The following OR56A3 variants were observed in gnomAD, a reference collection of about 807,000 sequenced individuals.
OR56A3 encodes olfactory receptor 56A3.
Under a neutral mutation model 17.5 loss-of-function variants are expected in OR56A3, and 23 were observed. That is an observed-to-expected ratio of 1.32 (90% CI 0.95 to 1.87). The LOEUF is 1.87. OR56A3 is among the 40% of genes most tolerant of loss of function. OR56A3 has a pLI of 0.00. For missense variants in OR56A3, 366 were observed against 380.1 expected (o/e 0.96, Z 0.31); for synonymous variants, 175 against 150.6 (o/e 1.16, Z -1.19).
At chr11:6,007,511 G>A in the OR56A3 span, among the ~76,000 whole-genome samples, 1 of 152,086 alleles carries the variant, frequency 6.6e-6, no homozygotes, top group African/African-American at 2.4e-5. Flanking sequence ...TAGTGTGACT[G>A]TAGTATTCAG....
chr11:5,987,321 C>CCA, the OR56A3 span, among the ~76,000 whole-genome samples: 1 of 152,106 alleles, frequency 6.6e-6, no homozygotes, highest in South Asian at 2.1e-4. Context: ...AGTTGTTCCC[C>CCA]CTGTAGCCTT....
At chr11:5,994,128 C>T in the OR56A3 span, 5 of 497,018 alleles carry the variant, frequency 1.0e-5, no homozygotes, top group East Asian at 5.5e-5. Flanking sequence ...CTGCCAGCTC[C>T]GACTCCAGGT....
chr11:5,967,092 T>TCAAC, the OR56A3 span: 1 of 152,886 alleles, frequency 6.5e-6, no homozygotes, highest in East Asian at 1.9e-4. Context: ...AGTTCTTGAG[T>TCAAC]CAACATCTAT....
chr11:6,002,000 A>G, the OR56A3 span: 2 of 1,479,300 alleles, frequency 1.4e-6, no homozygotes, highest in Non-Finnish European at 1.8e-6. Context: ...CTATTTCCCA[A>G]TTTTCACTAA....
the OR56A3 span, among the ~76,000 whole-genome samples, chr11:6,005,357 A>C: frequency 2.6e-5 from 4 of 152,206 alleles, no homozygotes; most frequent in African/African-American, 9.6e-5. Flanking sequence ...GATGTTAAGT[A>C]ATGACTAGTA....
At chr11:5,979,119 A>ATT in the OR56A3 span, among the ~76,000 whole-genome samples, 327 of 139,388 alleles carry the variant, frequency 2.3e-3, 2 homozygotes, top group Admixed American at 3.8e-3. Flanking sequence ...GTTAGCTAGT[A>ATT]TTTTTTTTTT....
At chr11:6,010,665 A>C in the OR56A3 span, among the ~76,000 whole-genome samples, 1 of 152,236 alleles carries the variant, frequency 6.6e-6, no homozygotes, top group Admixed American at 6.5e-5. Context: ...ACCCAGCCTC[A>C]GGTAGTTTGT....
chr11:6,002,982 G>C, the OR56A3 span: 36 of 1,614,088 alleles, frequency 2.2e-5, no homozygotes, highest in Non-Finnish European at 2.9e-5. Flanking sequence ...GTCATTGCTG[G>C]GAGATGCCAT....
the OR56A3 span, among the ~76,000 whole-genome samples, chr11:5,976,572 G>T: frequency 6.6e-6 from 1 of 151,840 alleles, no homozygotes; most frequent in East Asian, 1.9e-4. Context: ...TCATCATTTT[G>T]ATTACTTGTG....
the OR56A3 span, among the ~76,000 whole-genome samples, chr11:6,013,664 G>A: frequency 2.0e-5 from 3 of 152,170 alleles, no homozygotes; most frequent in Non-Finnish European, 2.9e-5. Flanking sequence ...CCATCAGAGA[G>A]CCTAATAATG....
At chr11:6,011,380 AAAC>A in the OR56A3 span, among the ~76,000 whole-genome samples, 7 of 152,082 alleles carry the variant, frequency 4.6e-5, no homozygotes, top group Non-Finnish European at 1.0e-4. Flanking sequence ...AAATGTTCTT[AAAC>A]AATAAATTTT....
At chr11:5,989,951 G>A in the OR56A3 span, among the ~76,000 whole-genome samples, 2 of 152,164 alleles carry the variant, frequency 1.3e-5, no homozygotes, top group Middle Eastern at 3.2e-3. Context: ...TTGTTCAATT[G>A]GTACTTATTC....
the OR56A3 span, among the ~76,000 whole-genome samples, chr11:6,008,956 C>T: frequency 2.2e-3 from 333 of 152,044 alleles, 1 homozygote; most frequent in Non-Finnish European, 4.1e-3. Flanking sequence ...CGAATATTAA[C>T]CAAATGAGAG....
chr11:5,957,606 G>T, the OR56A3 span, among the ~76,000 whole-genome samples: 2 of 152,152 alleles, frequency 1.3e-5, no homozygotes, highest in Non-Finnish European at 2.9e-5. Context: ...CTCTTGCAGA[G>T]CTCTGAAGCC....
intron 2 of OR56A3, among the ~76,000 whole-genome samples, chr11:5,945,467 A>G (rs1847863386): frequency 1.3e-5 from 2 of 151,556 alleles, no homozygotes; most frequent in African/African-American, 2.4e-5. Flanking sequence ...CTGTAATCCC[A>G]GCTACTCTGG....
chr11:6,000,103 C>A, the OR56A3 span: 1 of 152,176 alleles, frequency 6.6e-6, no homozygotes, highest in Non-Finnish European at 1.5e-5. Context: ...CCCAGCCATC[C>A]CATTACTGGG....
the OR56A3 span, among the ~76,000 whole-genome samples, chr11:6,007,490 G>T: frequency 6.6e-6 from 1 of 152,146 alleles, no homozygotes; most frequent in Non-Finnish European, 1.5e-5. Context: ...TAAAGCAATG[G>T]ATGTGCTAAT....
the OR56A3 span, among the ~76,000 whole-genome samples, chr11:6,015,017 G>GAAAAAAAAAAAAAAAAAAA: frequency 2.5e-5 from 1 of 39,546 alleles, no homozygotes; most frequent in Admixed American, 3.0e-4. Flanking sequence ...AAAAAAAAAT[G>GAAAAAAAAAAAAAAAAAAA]ACCTGAAACT....
chr11:5,968,183 C>T, the OR56A3 span: 3 of 1,614,068 alleles, frequency 1.9e-6, no homozygotes, highest in Non-Finnish European at 2.5e-6. Context: ...TCATGATGAA[C>T]ACCTGAAGGA....
Sources: gnomAD v4.1 joint callset for allele counts (sites outside exome capture counted in the v4.1 genomes callset) on GRCh38, gnomAD v4.1.1 for gene constraint, MANE v1.5 for transcripts, NCBI Gene and HGNC (gene_info 2026-07-23, HGNC 2026-07-21) for gene names.